Variants in DUSP22 observed in about 807,000 individuals in gnomAD.
The protein encoded by DUSP22 is dual specificity phosphatase 22, also known as dual specificity protein phosphatase 22.
Under a neutral mutation model 24.5 loss-of-function variants are expected in DUSP22, and 24 were observed. The observed-to-expected ratio is 0.98, with a 90% CI of 0.71 to 1.38. DUSP22 has a LOEUF of 1.38. DUSP22 is among the 40% of genes most tolerant of loss of function. DUSP22 has a pLI of 0.00. For synonymous variants in DUSP22, 160 were observed against 106.4 expected (o/e 1.50, Z -3.10); for missense variants, 330 against 269.2 (o/e 1.23, Z -1.58).
intron 3 of DUSP22, among the ~76,000 whole-genome samples, chr6:315,861 C>T (rs1211982201): frequency 6.6e-6 from 1 of 152,308 alleles, no homozygotes; most frequent in Non-Finnish European, 1.5e-5. Context: ...CTGGCAGAGC[C>T]TTTGGTGTAT....
intron 2 of DUSP22, among the ~76,000 whole-genome samples, chr6:311,400 G>A (rs1465811459): frequency 1.3e-5 from 2 of 152,308 alleles, no homozygotes; most frequent in Admixed American, 1.3e-4. Flanking sequence ...GTTAGGCAAG[G>A]CCGGGCGCGG....
intron 3 of DUSP22, among the ~76,000 whole-genome samples, chr6:326,787 T>C (rs963326724): frequency 7.2e-5 from 11 of 152,304 alleles, no homozygotes; most frequent in East Asian, 3.8e-4. Flanking sequence ...TCTGTCCCTC[T>C]CTGCATCAGA....
At chr6:335,242 C>CT in intron 4 of DUSP22, 79 bp downstream of exon 4, 1 of 1,565,130 alleles carries the variant, frequency 6.4e-7, no homozygotes, top group Admixed American at 1.7e-5. Flanking sequence ...AAGTAGAAGA[C>CT]TGTGAAGTTG....
At chr6:302,616 G>T (rs1262153527) in intron 1 of DUSP22, among the ~76,000 whole-genome samples, 3 of 152,308 alleles carry the variant, frequency 2.0e-5, no homozygotes, top group Non-Finnish European at 4.4e-5. Context: ...TGAGTGCCCG[G>T]CATTGTGCCT....
In DUSP22 at chr6:349,140, C is replaced by G; in HGVS notation, c.*189C>G. 1 of 1,436,264 alleles carries G rather than the reference C, an allele frequency of 7.0e-7. No individual in the cohort carries two copies. The highest frequency in any genetic ancestry group is 9.1e-7 in the Non-Finnish European group (1 of 1,101,244). The allele number at this position is 1,436,264 out of a possible 1,614,324, so 89.0% of individuals were successfully genotyped here. On this transcript the variant is annotated 3_prime_UTR_variant, in exon 7 of 7. Coordinates refer to ENST00000419235, the MANE Select transcript of DUSP22 (RefSeq NM_001286555.3). ...CCCCTGCACTCCGCCCACCCCTACC[C>G]TGGCTGCACCTGAGCTTGCTGCCCC...
chr6:348,729 CAT>C (rs773675100), intron 6 of DUSP22, 38 bp from the exon 7 acceptor site: 9 of 1,613,020 alleles, frequency 5.6e-6, no homozygotes, highest in Admixed American at 5.0e-5. Context: ...CAGACGTGCA[CAT>C]GTGTGTGACG....
intron 3 of DUSP22, among the ~76,000 whole-genome samples, chr6:317,574 T>C (rs1758390436): frequency 6.6e-6 from 1 of 152,310 alleles, no homozygotes; most frequent in South Asian, 2.1e-4. Context: ...CTGTAATGTC[T>C]TCAGTTTGTA....
At chr6:329,285 T>G (rs951136368) in intron 3 of DUSP22, among the ~76,000 whole-genome samples, 2 of 152,286 alleles carry the variant, frequency 1.3e-5, no homozygotes, top group Non-Finnish European at 2.9e-5. Flanking sequence ...GATAGAAAGG[T>G]GAAAGGTGGT....
At chr6:307,702 C>G (rs1316356121) in intron 2 of DUSP22, among the ~76,000 whole-genome samples, 1 of 152,306 alleles carries the variant, frequency 6.6e-6, no homozygotes, top group Non-Finnish European at 1.5e-5. Context: ...AGACGAAGCC[C>G]TCATTGTTTG....
chr6:327,661 C>T (rs948056351), intron 3 of DUSP22, among the ~76,000 whole-genome samples: 6 of 152,296 alleles, frequency 3.9e-5, no homozygotes, highest in Non-Finnish European at 8.8e-5. Flanking sequence ...TGTGGGGGCC[C>T]AGCGTGGGGC....
chr6:322,048 C>T (rs1266514750), intron 3 of DUSP22, among the ~76,000 whole-genome samples: 4 of 152,298 alleles, frequency 2.6e-5, no homozygotes, highest in African/African-American at 9.6e-5. Context: ...ATCACAGTAT[C>T]ACAGTGTATC....
At chr6:336,741 C>G (rs1759377156) in intron 4 of DUSP22, among the ~76,000 whole-genome samples, 1 of 152,286 alleles carries the variant, frequency 6.6e-6, no homozygotes, top group South Asian at 2.1e-4. Flanking sequence ...GGGGATTTTC[C>G]TAGGAAAACA....
At chr6:304,021 C>G (rs528818700) in intron 1 of DUSP22, among the ~76,000 whole-genome samples, 99 of 152,386 alleles carry the variant, frequency 6.5e-4, no homozygotes, top group African/African-American at 2.3e-3. Context: ...TTTAACAACC[C>G]ATTGTTGACT....
intron 3 of DUSP22, among the ~76,000 whole-genome samples, chr6:322,374 A>C (rs908747539): frequency 6.6e-6 from 1 of 152,298 alleles, no homozygotes; most frequent in Non-Finnish European, 1.5e-5. Context: ...AGTTAGTCTC[A>C]GCTCTTCTGA....
intron 3 of DUSP22, among the ~76,000 whole-genome samples, chr6:318,712 A>G (rs1441374941): frequency 6.6e-6 from 1 of 152,312 alleles, no homozygotes; most frequent in African/African-American, 2.4e-5. Flanking sequence ...CCAAAGCCAC[A>G]CATCTCATAC....
At position 351,122 on chromosome 6, in the gene DUSP22, C is replaced by A. The variant is rs1053933666; in HGVS notation, c.*2171C>A. ...TGGATGCCTGTAAGGATCCCGGGAG[C>A]CTTGCCGCACTGCCTTGTGGGTGGC... On this transcript the variant is annotated 3_prime_UTR_variant, in exon 7 of 7. Transcript: ENST00000419235. The A allele has an allele frequency of 1.3e-4, 76 of 583,710 alleles. No individual in the cohort carries two copies. In the Middle Eastern group the frequency reaches 3.7e-3, roughly 29 times the overall value. The allele number at this position is 583,710 out of a possible 1,614,324, so 36.2% of individuals were successfully genotyped here. A position where few individuals can be genotyped will look rare whatever the true frequency, so the allele number is the denominator to read the frequency against.
intron 4 of DUSP22, among the ~76,000 whole-genome samples, chr6:335,596 A>G (rs2260013): frequency 1 from 151,972 of 152,426 alleles, 75,759 homozygotes; most frequent in Middle Eastern, 1. Flanking sequence ...ACAGAAACAG[A>G]CAACATTAAT....
intron 2 of DUSP22, among the ~76,000 whole-genome samples, chr6:306,089 T>G (rs1041112584): frequency 6.6e-6 from 1 of 152,306 alleles, no homozygotes; most frequent in South Asian, 2.1e-4. Context: ...TAGTAAGCTT[T>G]GTAGTTCTGA....
At chr6:346,979 CAGTT>C (rs1326869472) in intron 5 of DUSP22, among the ~76,000 whole-genome samples, 1 of 152,302 alleles carries the variant, frequency 6.6e-6, no homozygotes, top group Non-Finnish European at 1.5e-5. Flanking sequence ...CAGTTTCATA[CAGTT>C]CTTGAAATCA....
Sources: gnomAD v4.1 joint callset for allele counts (sites outside exome capture counted in the v4.1 genomes callset) on GRCh38, gnomAD v4.1.1 for gene constraint, MANE v1.5 for transcripts, NCBI Gene and HGNC (gene_info 2026-07-23, HGNC 2026-07-21) for gene names.